FCSK: variants seen among roughly 807,000 people sequenced by gnomAD.
The protein encoded by FCSK is fucose kinase, also known as L-fucose kinase.
FCSK carries 123 observed loss-of-function variants against 122.5 expected under a neutral mutation model. The observed-to-expected ratio is 1.00, with a 90% CI of 0.87 to 1.17. The LOEUF is 1.17. FCSK is among the 50% of genes most tolerant of loss of function. The pLI is 0.00. For missense variants in FCSK, 1,366 were observed against 1,450.4 expected, an observed-to-expected ratio of 0.94 and a Z score of 0.95; for synonymous variants, 620 against 625.5, an observed-to-expected ratio of 0.99 and a Z score of 0.13.
Position 70,475,653 on chromosome 16 carries a change from A to G in FCSK, c.2527A>G (p.Ser843Gly). ...CTCTCCTCTCCGCCCTGCAGGCACC[A>G]GCAGCATCCTGGCAGGCACTGCCCT... ...ELPHGSGLGT[S>G]SILAGTALAA... The change falls in exon 20 of 24, where the codon AGC (serine) becomes GGC (glycine). Residue 843 changes from serine (S) to glycine (G), a missense_variant. Physicochemically the swap from Ser to Gly is moderately conservative, Grantham distance 56 (BLOSUM62 0). Coordinates refer to ENST00000288078, the MANE Select transcript of FCSK (RefSeq NM_145059.3). 1 of 1,595,764 alleles carries G rather than the reference A, an allele frequency of 6.3e-7. No homozygotes were observed. The highest frequency in any genetic ancestry group is 1.7e-5 in the Admixed American group (1 of 58,110).
intron 3 of FCSK, 190 bp from the exon 4 acceptor site, chr16:70,464,936 C>T: frequency 8.0e-7 from 1 of 1,244,834 alleles, no homozygotes; most frequent in Non-Finnish European, 1.1e-6. Flanking sequence ...AGGTGGAGGG[C>T]CCTGGGATCC....
At position 70,474,236 on chromosome 16, in the gene FCSK, G is replaced by A. The variant is rs1404933028; in HGVS notation, c.1885G>A (p.Ala629Thr). 1.2e-6 allele frequency: 2 copies of A among 1,608,186 alleles called. No homozygotes were observed. The highest frequency in any genetic ancestry group is 2.7e-5 in the African/African-American group (2 of 74,858). ...CCGTGGGGGCTTGCGGAGCGGGCCA[G>A]CTGCCAACCCTGAGTGGATGCGGCC... ...EGRGGLRSGP[A>T]ANPEWMRPFS... The change falls in exon 16 of 24, where the codon GCT becomes ACT. Residue 629 changes from alanine (A) to threonine (T), a missense_variant. By Grantham distance (58) the Ala-to-Thr change is moderately conservative (BLOSUM62 0). Coordinates refer to ENST00000288078, the MANE Select transcript of FCSK (RefSeq NM_145059.3).
intron 20 of FCSK, among the ~76,000 whole-genome samples, chr16:70,476,025 C>CG (rs915839041): frequency 2.7e-5 from 4 of 150,110 alleles, no homozygotes; most frequent in African/African-American, 9.8e-5. Flanking sequence ...TTTTTTGAGA[C>CG]GGAGTCTTGC....
In FCSK at chr16:70,468,951, G is replaced by C. The variant is rs200140905; in HGVS notation, c.766G>C (p.Gly256Arg). Residue 256 changes from glycine to arginine, a missense_variant, in exon 9 of 24, where the codon GGA (glycine) becomes CGA (arginine). Coordinates refer to ENST00000288078, the MANE Select transcript of FCSK (RefSeq NM_145059.3). The part of the protein sequence containing the change: ...DACTYLGLDS[G>R]ARPVQLSLFF... ...CTGCACCTACCTAGGCTTGGACTCCGGAGCCCGGCCTGTCCAGGTGACTGG... is the reference window on the plus strand; with the variant it reads ...CTGCACCTACCTAGGCTTGGACTCCCGAGCCCGGCCTGTCCAGGTGACTGG... 6.2e-7 allele frequency: 1 copy of C among 1,613,426 alleles called. No homozygotes were observed. Among genetic ancestry groups the C allele is most frequent in the African/African-American group, 1.3e-5 (1 of 74,936 alleles).
In FCSK at chr16:70,479,791, T is replaced by TCCCAAAG. The variant is rs1036864373; in HGVS notation, c.*112_*118dup. ...TCCCCACCCACCTCTGCGAATCTGC[T>TCCCAAAG]CCCAAAGGAAGCTGACCAGAGCAAG... On this transcript the variant is annotated 3_prime_UTR_variant, in exon 24 of 24. Coordinates refer to ENST00000288078, the MANE Select transcript of FCSK (RefSeq NM_145059.3). 247 of 785,686 alleles carry TCCCAAAG rather than the reference T, an allele frequency of 3.1e-4. No homozygotes were observed. In the African/African-American group the frequency reaches 3.7e-3, roughly 12 times the overall value. 48.7% of individuals were successfully genotyped at this position (785,686 alleles called of 1,614,324 possible).
At chr16:70,471,441 C>T in intron 13 of FCSK, 89 bp downstream of exon 13, 1 of 1,331,054 alleles carries the variant, frequency 7.5e-7, no homozygotes, top group South Asian at 1.4e-5. Context: ...GCGGGGTTCT[C>T]TGAGCACTGG....
At chr16:70,461,583 T>C (rs977625814) in intron 1 of FCSK, among the ~76,000 whole-genome samples, 1 of 152,106 alleles carries the variant, frequency 6.6e-6, no homozygotes, top group African/African-American at 2.4e-5. Context: ...CTGAGACCCC[T>C]GGGAAGGGAG....
intron 7 of FCSK, 88 bp downstream of exon 7, chr16:70,467,559 A>G (rs2048460957): frequency 9.8e-7 from 1 of 1,021,418 alleles, no homozygotes. Flanking sequence ...GCAGCCTCTC[A>G]TCCTGGATTT....
chr16:70,472,698 A>ACGGGC (rs1238309998), intron 14 of FCSK, 93 bp downstream of exon 14: 5 of 1,071,286 alleles, frequency 4.7e-6, no homozygotes, highest in African/African-American at 1.6e-5. Flanking sequence ...CCAGAGCAGC[A>ACGGGC]CGGGCCGTGT....
chr16:70,470,844 C>A, intron 11 of FCSK, 127 bp from the exon 12 acceptor site: 1 of 786,116 alleles, frequency 1.3e-6, no homozygotes, highest in Non-Finnish European at 2.0e-6. Flanking sequence ...AGAGAGGAGT[C>A]TAGGGTGCTG....
chr16:70,479,643 T>C lies in FCSK; in HGVS notation c.3218T>C (p.Leu1073Pro), dbSNP rs1383630149. 1 of 1,614,008 alleles carries C rather than the reference T, an allele frequency of 6.2e-7. No individual in the cohort carries two copies. The highest frequency in any genetic ancestry group is 1.6e-4 in the Middle Eastern group (1 of 6,084). The change falls in exon 24 of 24, where the codon CTG becomes CCG. Residue 1073 changes from leucine (L) to proline (P), a missense_variant. Coordinates refer to ENST00000288078, the MANE Select transcript of FCSK (RefSeq NM_145059.3). ...VDTQGLSLKL[L>P]GTEASTCCPF... ...ACTCAGGGCCTGAGCCTGAAGCTGC[T>C]GGGGACCGAGGCCTCAACCTGTTGC...
intron 13 of FCSK, among the ~76,000 whole-genome samples, 185 bp downstream of exon 13, chr16:70,471,537 CAG>C (rs2048619836): frequency 6.6e-6 from 1 of 152,220 alleles, no homozygotes; most frequent in African/African-American, 2.4e-5. Context: ...GTGAGACCAG[CAG>C]AGTCTCCACA....
chr16:70,473,078 GA>G lies in FCSK; in HGVS notation c.1503del (p.Gln503ArgfsTer71). The G allele has an allele frequency of 6.3e-7, 1 of 1,590,182 alleles. No homozygotes were observed. The highest frequency in any genetic ancestry group is 8.6e-7 in the Non-Finnish European group (1 of 1,169,222). ...GTGCTCCACCCCTCGAGGGAGCTGG[GA>G]CCCCAGGACCTGCTGTGGATGCTGG... ...FPVLHPSREL[G>X]PQDLLWMLDH... On this transcript the variant is annotated frameshift_variant, in exon 15 of 24. Coordinates refer to ENST00000288078, the MANE Select transcript of FCSK (RefSeq NM_145059.3). LOFTEE classifies it high-confidence loss of function. The surrounding 1 kb of genome is among the most constrained non-coding windows in gnomAD (Gnocchi z 4.9).
Position 70,473,347 on chromosome 16 carries a change from G to A in FCSK, c.1771G>A (p.Asp591Asn). The part of the protein sequence containing the change: ...GCPGPLLATL[D>N]QVAAGAGDPG... ...CCCCGGGCCCCTGCTGGCCACGCTGGACCAGGGTGAGTGTGCAGGCTGGTA... is the reference window on the plus strand; with the variant it reads ...CCCCGGGCCCCTGCTGGCCACGCTGAACCAGGGTGAGTGTGCAGGCTGGTA... The change falls in exon 15 of 24, where the codon GAC (aspartate) becomes AAC (asparagine). Residue 591 changes from aspartate to asparagine, a missense_variant. Asp to Asn is a conservative substitution (Grantham distance 23). Coordinates refer to ENST00000288078, the MANE Select transcript of FCSK (RefSeq NM_145059.3). This position sits in a 1 kb window ranked among gnomAD's most constrained non-coding sequence, Gnocchi z 4.9. The A allele has an allele frequency of 6.7e-7, 1 of 1,500,218 alleles. No homozygotes were observed. The highest frequency in any genetic ancestry group is 8.9e-7 in the Non-Finnish European group (1 of 1,120,278). The allele number at this position is 1,500,218 out of a possible 1,614,324, so 92.9% of individuals were successfully genotyped here.
chr16:70,459,803 A>G (rs570355260), intron 1 of FCSK, among the ~76,000 whole-genome samples: 81 of 140,460 alleles, frequency 5.8e-4, no homozygotes, highest in Middle Eastern at 7.2e-3. Flanking sequence ...CAGTTTCTTC[A>G]TCTTTTTTTT....
chr16:70,468,172 A>G (rs959576251), intron 8 of FCSK, among the ~76,000 whole-genome samples: 3 of 152,210 alleles, frequency 2.0e-5, no homozygotes, highest in Non-Finnish European at 4.4e-5. Context: ...CTGTAATCCC[A>G]GCACTTTAGG....
In FCSK at chr16:70,463,174, C is replaced by G; in HGVS notation, c.-17C>G. 10 of 1,609,890 alleles carry G rather than the reference C, an allele frequency of 6.2e-6. No individual in the cohort carries two copies. Among genetic ancestry groups the G allele is most frequent in the Non-Finnish European group, 8.5e-6 (10 of 1,176,900 alleles). Reference sequence around the variant, plus strand: ...TACCCATATTGCTGTCTCAGGAAGCCCCTCCGCTTGGCCAGAATGGAGCAG... The same window carrying G: ...TACCCATATTGCTGTCTCAGGAAGCGCCTCCGCTTGGCCAGAATGGAGCAG... On this transcript the variant is annotated 5_prime_UTR_variant, in exon 2 of 24. Coordinates refer to ENST00000288078, the MANE Select transcript of FCSK (RefSeq NM_145059.3).
chr16:70,464,738 C>T (rs975362253), intron 3 of FCSK, among the ~76,000 whole-genome samples: 3 of 151,002 alleles, frequency 2.0e-5, no homozygotes, highest in Non-Finnish European at 4.4e-5. Flanking sequence ...GGTAGCCAGG[C>T]GTGGCAGTGC....
chr16:70,464,250 G>A (rs1333683515), intron 3 of FCSK, among the ~76,000 whole-genome samples: 1 of 152,210 alleles, frequency 6.6e-6, no homozygotes, highest in African/African-American at 2.4e-5. Context: ...CTCTGCAGAG[G>A]GAGATGGCAC....
Sources: gnomAD v4.1 joint callset for allele counts (sites outside exome capture counted in the v4.1 genomes callset) on GRCh38, gnomAD v4.1.1 for gene constraint, Gnocchi (gnomAD v3.1) non-coding constraint, MANE v1.5 for transcripts, NCBI Gene and HGNC (gene_info 2026-07-23, HGNC 2026-07-21) for gene names.